Variants in EXT1 observed in about 807,000 individuals in gnomAD.
EXT1 encodes the protein exostosin glycosyltransferase 1.
Under a neutral mutation model 82.5 loss-of-function variants are expected in EXT1, and 20 were observed. The observed-to-expected ratio is 0.24, with a 90% CI of 0.17 to 0.35. The LOEUF is 0.35. Ranked by LOEUF, EXT1 falls within the 10% of genes least tolerant of loss-of-function variation. The probability of loss-of-function intolerance (pLI) is 1.00; values close to 1 mark genes in which losing one functional copy is unlikely to be tolerated. For synonymous variants in EXT1, 348 were observed against 350.8 expected (o/e 0.99, Z 0.09); for missense variants, 757 against 936.5 (o/e 0.81, Z 2.50).
chr8:117,917,248 C>A (rs912611916), intron 1 of EXT1, among the ~76,000 whole-genome samples: 2 of 152,030 alleles, frequency 1.3e-5, no homozygotes, highest in Non-Finnish European at 2.9e-5. Flanking sequence ...CCGAGGCGGG[C>A]GGATCATTTG....
chr8:117,965,529 G>T (rs1421719828), intron 1 of EXT1, among the ~76,000 whole-genome samples: 1 of 151,812 alleles, frequency 6.6e-6, no homozygotes, highest in Non-Finnish European at 1.5e-5. Flanking sequence ...TAGTTTCAAG[G>T]TTTGCAGATA....
chr8:117,814,234 GGTGTGTGTGTGT>G (rs57727618), intron 7 of EXT1, among the ~76,000 whole-genome samples: 4 of 146,736 alleles, frequency 2.7e-5, no homozygotes, highest in African/African-American at 7.5e-5. Flanking sequence ...CACACACAGT[GGTGTGTGTGTGT>G]GTGTGTGTGT....
chr8:118,071,873 T>C (rs1482685852), intron 1 of EXT1, among the ~76,000 whole-genome samples: 1 of 149,358 alleles, frequency 6.7e-6, no homozygotes, highest in East Asian at 2.0e-4. Flanking sequence ...AAGAAGCACT[T>C]AAATCTTAAA....
intron 1 of EXT1, among the ~76,000 whole-genome samples, chr8:118,092,757 G>C (rs1817545785): frequency 6.6e-6 from 1 of 152,220 alleles, no homozygotes. Flanking sequence ...AGCACCTGAT[G>C]ATGAGGCTGG....
intron 1 of EXT1, among the ~76,000 whole-genome samples, chr8:117,994,217 G>A (rs77298266): frequency 0.09 from 13,724 of 152,152 alleles, 755 homozygotes; most frequent in Admixed American, 0.13. Context: ...TTTAGAATAC[G>A]TCATCATCAT....
At chr8:118,081,143 G>T (rs1172390572) in intron 1 of EXT1, among the ~76,000 whole-genome samples, 2 of 152,090 alleles carry the variant, frequency 1.3e-5, no homozygotes, top group African/African-American at 4.8e-5. Context: ...GAGGAAATGG[G>T]GGCTTAGACA....
intron 1 of EXT1, among the ~76,000 whole-genome samples, chr8:118,106,296 G>A (rs1245995357): frequency 6.6e-6 from 1 of 152,168 alleles, no homozygotes; most frequent in Non-Finnish European, 1.5e-5. Flanking sequence ...ATTTTCAAGG[G>A]TGCCTGAGAA....
Position 117,819,706 on chromosome 8 carries a change from C to T in EXT1, c.1506G>A (p.Val502=), listed in dbSNP as rs758615056. ...CACAGTACTGGGACTTGGCTGCAGC[C>T]ACGAGAAGCTTCAACACTGGCTGGG... is the stretch of plus-strand genomic sequence containing the variant. The part of the protein sequence containing the change: ...SQSQPVLKLL[V]AAAKSQYCAQ... Residue 502 remains valine, a synonymous_variant, in exon 6 of 11, where the codon GTG becomes GTA. Transcript: ENST00000378204. 6.2e-7 allele frequency: 1 copy of T among 1,612,774 alleles called. No homozygotes were observed. Among genetic ancestry groups the T allele is most frequent in the South Asian group, 1.1e-5 (1 of 91,012 alleles).
intron 1 of EXT1, among the ~76,000 whole-genome samples, chr8:117,957,155 G>A (rs1351778606): frequency 1.3e-5 from 2 of 152,184 alleles, no homozygotes; most frequent in Non-Finnish European, 2.9e-5. Flanking sequence ...GAGGGGAAGA[G>A]CCTCAAAAGT....
At chr8:118,105,784 G>A (rs1015561254) in intron 1 of EXT1, among the ~76,000 whole-genome samples, 3 of 152,106 alleles carry the variant, frequency 2.0e-5, no homozygotes, top group Admixed American at 6.5e-5. Context: ...TTTGGAGAAG[G>A]AAAACATTCA....
chr8:117,935,044 A>G (rs1814132985), intron 1 of EXT1, among the ~76,000 whole-genome samples: 2 of 152,136 alleles, frequency 1.3e-5, no homozygotes, highest in South Asian at 4.1e-4. Flanking sequence ...TTGAAAATCC[A>G]TTCTGTTACT....
rs149455966 is a variant in EXT1, at chr8:117,946,146, G to T, written c.963-108945C>A. On this transcript the variant is annotated intron_variant, in intron 1 of 10. Coordinates refer to ENST00000378204, the MANE Select transcript of EXT1 (RefSeq NM_000127.3). The stretch of plus-strand genomic sequence containing the variant: ...ACTTCTGACCTCAGGTAATCTGCCC[G>T]CCTCGGCATTCCAAAGTGCTGGGAT... Among the ~76,000 whole-genome samples the T allele has an allele frequency of 2.6e-5, 4 of 152,256 alleles. No homozygotes were observed. The South Asian group carries it at 8.3e-4, about 32-fold the overall frequency.
At chr8:117,958,971 TG>T (rs1424225447) in intron 1 of EXT1, among the ~76,000 whole-genome samples, 2 of 152,168 alleles carry the variant, frequency 1.3e-5, no homozygotes, top group Non-Finnish European at 2.9e-5. Flanking sequence ...AGCAATAGGT[TG>T]GGTTTTTCTG....
At chr8:117,933,068 T>C (rs1814091383) in intron 1 of EXT1, among the ~76,000 whole-genome samples, 2 of 152,138 alleles carry the variant, frequency 1.3e-5, no homozygotes, top group African/African-American at 2.4e-5. Context: ...AGTGGTATGT[T>C]CTTCCCCAAA....
chr8:118,047,581 C>T (rs751005369), intron 1 of EXT1, among the ~76,000 whole-genome samples: 34 of 152,262 alleles, frequency 2.2e-4, no homozygotes, highest in Non-Finnish European at 4.0e-4. Flanking sequence ...ATGGTGCTCT[C>T]TTTTCCCATC....
At chr8:117,866,662 G>A (rs1812778515) in intron 1 of EXT1, among the ~76,000 whole-genome samples, 1 of 152,098 alleles carries the variant, frequency 6.6e-6, no homozygotes, top group Non-Finnish European at 1.5e-5. Context: ...TCTCCCAGTA[G>A]TGCATGATTA....
At chr8:118,077,730 A>T (rs1203433399) in intron 1 of EXT1, among the ~76,000 whole-genome samples, 1 of 152,176 alleles carries the variant, frequency 6.6e-6, no homozygotes, top group African/African-American at 2.4e-5. Flanking sequence ...CTTCACAATT[A>T]AAAAAATGTT....
intron 1 of EXT1, among the ~76,000 whole-genome samples, chr8:118,022,425 C>T (rs1586348278): frequency 6.8e-6 from 1 of 147,872 alleles, no homozygotes; most frequent in Middle Eastern, 3.6e-3. Flanking sequence ...GCAACCTCCA[C>T]CTCCCAGGTT....
At chr8:118,104,090 T>G (rs1817768870) in intron 1 of EXT1, among the ~76,000 whole-genome samples, 1 of 152,222 alleles carries the variant, frequency 6.6e-6, no homozygotes, top group South Asian at 2.1e-4. Flanking sequence ...TCACTAGATG[T>G]GACACTGAGC....
Sources: allele counts gnomAD v4.1 joint callset (sites outside exome capture counted in the v4.1 genomes callset), GRCh38; gene constraint gnomAD v4.1.1; transcripts MANE v1.5; gene names NCBI Gene and HGNC (gene_info 2026-07-23, HGNC 2026-07-21).